Variants in VPS13B observed in about 807,000 individuals in gnomAD.
VPS13B encodes vacuolar protein sorting 13 homolog B, also known as intermembrane lipid transfer protein VPS13B.
A neutral mutation model predicts 426.4 loss-of-function variants in VPS13B; 285 were observed. That is an observed-to-expected ratio of 0.67 (90% CI 0.61 to 0.74). The LOEUF (loss-of-function observed/expected upper bound fraction) is 0.74, where lower values mean the gene tolerates loss of function less well. Among genes scored for constraint, VPS13B ranks in the 30% least tolerant of loss-of-function variants. The pLI, the probability that VPS13B is intolerant of heterozygous loss-of-function variation, is 0.00. For synonymous variants in VPS13B, 1,676 were observed against 1,676.4 expected, an observed-to-expected ratio of 1.00 and a Z score of 0.01; for missense variants, 4,537 against 4,782.6, an observed-to-expected ratio of 0.95 and a Z score of 1.51.
At chr8:99,291,968 A>G (rs1819761716) in intron 19 of VPS13B, among the ~76,000 whole-genome samples, 1 of 152,144 alleles carries the variant, frequency 6.6e-6, no homozygotes, top group Non-Finnish European at 1.5e-5. Flanking sequence ...TCAGATAAGT[A>G]TAATTAGGAA....
At chr8:99,110,110 A>G (rs1847283238) in intron 5 of VPS13B, among the ~76,000 whole-genome samples, 1 of 152,186 alleles carries the variant, frequency 6.6e-6, no homozygotes, top group Non-Finnish European at 1.5e-5. Context: ...ATTTATCTGC[A>G]AATAATACTG....
intron 19 of VPS13B, among the ~76,000 whole-genome samples, chr8:99,275,900 G>A (rs1003379855): frequency 1.3e-5 from 2 of 152,122 alleles, no homozygotes; most frequent in Non-Finnish European, 1.5e-5. Flanking sequence ...AGCAAAGTCA[G>A]GGTGTTCAGT....
intron 25 of VPS13B, among the ~76,000 whole-genome samples, chr8:99,499,643 A>G (rs1563763104): frequency 6.6e-6 from 1 of 152,160 alleles, no homozygotes; most frequent in South Asian, 2.1e-4. Flanking sequence ...TGATTTTTTT[A>G]TAGCTTCTCA....
chr8:99,795,308 T>C (rs576263468), intron 43 of VPS13B, among the ~76,000 whole-genome samples: 1 of 152,294 alleles, frequency 6.6e-6, no homozygotes, highest in South Asian at 2.1e-4. Context: ...TTTCCACCCA[T>C]GTCCAATAAC....
chr8:99,467,383 C>T, intron 23 of VPS13B, 31 bp from the exon 24 acceptor site: 1 of 1,593,728 alleles, frequency 6.3e-7, no homozygotes, highest in South Asian at 1.1e-5. Context: ...TGTTTGTGTG[C>T]TTCCCTATTC....
At chr8:99,557,889 G>A (rs1197919536) in intron 31 of VPS13B, among the ~76,000 whole-genome samples, 1 of 151,948 alleles carries the variant, frequency 6.6e-6, no homozygotes, top group Non-Finnish European at 1.5e-5. Flanking sequence ...TAAAACTAGA[G>A]GTCTTTATGA....
At chr8:99,824,221 C>G (rs557434220) in intron 51 of VPS13B, among the ~76,000 whole-genome samples, 8 of 152,238 alleles carry the variant, frequency 5.3e-5, no homozygotes, top group African/African-American at 1.9e-4. Flanking sequence ...CTGCCTGTGC[C>G]CCATCTGCTC....
chr8:99,204,663 GA>G (rs912790834), intron 17 of VPS13B, among the ~76,000 whole-genome samples: 21 of 149,380 alleles, frequency 1.4e-4, no homozygotes, highest in African/African-American at 2.9e-4. Context: ...ACATTTACAA[GA>G]AAAAAAAACC....
chr8:99,764,530 C>T (rs1310428467), intron 39 of VPS13B, among the ~76,000 whole-genome samples: 1 of 150,186 alleles, frequency 6.7e-6, no homozygotes, highest in Non-Finnish European at 1.5e-5. Context: ...TCTCCTGTCT[C>T]AGCCTCCTGA....
At chr8:99,124,701 A>T (rs570694559) in intron 8 of VPS13B, among the ~76,000 whole-genome samples, 2 of 152,104 alleles carry the variant, frequency 1.3e-5, no homozygotes, top group African/African-American at 4.8e-5. Flanking sequence ...CCTGGCCAAC[A>T]TGTTGAAACC....
chr8:99,159,542 T>C (rs1811531345), intron 15 of VPS13B, among the ~76,000 whole-genome samples: 1 of 152,188 alleles, frequency 6.6e-6, no homozygotes, highest in African/African-American at 2.4e-5. Flanking sequence ...TTGCTGCAGC[T>C]AGCCCCACCA....
intron 17 of VPS13B, among the ~76,000 whole-genome samples, chr8:99,247,737 C>T (rs1054862538): frequency 6.6e-6 from 1 of 152,168 alleles, no homozygotes; most frequent in Non-Finnish European, 1.5e-5. Flanking sequence ...AAGTAGTACA[C>T]ATACATGTCT....
At position 99,200,186 on chromosome 8, in the gene VPS13B, T is replaced by C. The variant is rs143200091; in HGVS notation, c.2515+7129T>C. ...CTGCATATTAGTGCATTTTTCCACT[T>C]AGCATACTATTTCAAAGTTTGCCCA... On this transcript the variant is annotated intron_variant, in intron 17 of 61. Transcript: ENST00000357162. 3.2e-3 allele frequency among the ~76,000 whole-genome samples: 490 copies of C among 152,348 alleles called. 4 individuals carry two copies. Among genetic ancestry groups the C allele is most frequent in the Non-Finnish European group, 5.2e-3 (357 of 68,030 alleles).
chr8:99,314,341 G>A (rs950923489), intron 19 of VPS13B, among the ~76,000 whole-genome samples: 4 of 152,036 alleles, frequency 2.6e-5, no homozygotes, highest in Non-Finnish European at 5.9e-5. Flanking sequence ...GTCATAACAT[G>A]TGATCTACCT....
At chr8:99,286,882 A>C (rs1161863386) in intron 19 of VPS13B, among the ~76,000 whole-genome samples, 1 of 152,148 alleles carries the variant, frequency 6.6e-6, no homozygotes, top group Non-Finnish European at 1.5e-5. Context: ...GGCAGTAATG[A>C]AATAACAGTT....
At chr8:99,833,109 TC>T (rs1304962453) in intron 52 of VPS13B, among the ~76,000 whole-genome samples, 1 of 152,220 alleles carries the variant, frequency 6.6e-6, no homozygotes, top group Non-Finnish European at 1.5e-5. Context: ...GGAATTTTTC[TC>T]AAAAAAGTCA....
At chr8:99,169,938 G>T (rs1243645941) in intron 15 of VPS13B, 101 bp from the exon 16 acceptor site, 5 of 1,335,370 alleles carry the variant, frequency 3.7e-6, no homozygotes, top group Non-Finnish European at 5.4e-6. Flanking sequence ...AACATATTTA[G>T]TGTGCAGCTG....
At chr8:99,572,239 C>G (rs1234288900) in intron 31 of VPS13B, among the ~76,000 whole-genome samples, 1 of 152,124 alleles carries the variant, frequency 6.6e-6, no homozygotes, top group African/African-American at 2.4e-5. Context: ...AAGATCTATA[C>G]CAGCACAAAC....
intron 23 of VPS13B, among the ~76,000 whole-genome samples, chr8:99,451,376 C>T (rs1018073325): frequency 2.6e-5 from 4 of 152,156 alleles, no homozygotes; most frequent in African/African-American, 9.7e-5. Context: ...TACCATGTGG[C>T]AGTCACATAG....
Sources: gnomAD v4.1 joint callset for allele counts (sites outside exome capture counted in the v4.1 genomes callset) on GRCh38, gnomAD v4.1.1 for gene constraint, MANE v1.5 for transcripts, NCBI Gene and HGNC (gene_info 2026-07-23, HGNC 2026-07-21) for gene names.